Variants in MAPK10 observed in about 807,000 individuals in gnomAD.
MAPK10 encodes mitogen-activated protein kinase 10, also known as JNK3 alpha protein kinase.
MAPK10 carries 25 observed loss-of-function variants against 59.3 expected under a neutral mutation model. The observed-to-expected ratio is 0.42, with a 90% CI of 0.31 to 0.59. MAPK10 has a LOEUF of 0.59. Among genes scored for constraint, MAPK10 ranks in the 20% least tolerant of loss-of-function variants. The pLI, the probability that MAPK10 is intolerant of heterozygous loss-of-function variation, is 0.15. For missense variants in MAPK10, 351 were observed against 568.9 expected, an observed-to-expected ratio of 0.62 and a Z score of 3.90; for synonymous variants, 190 against 200.5, an observed-to-expected ratio of 0.95 and a Z score of 0.44.
chr4:86,054,721 A>T lies in MAPK10; in HGVS notation c.1110+9545T>A, dbSNP rs139299996. 1.0e-3 allele frequency among the ~76,000 whole-genome samples: 153 copies of T among 152,358 alleles called. 1 individual carries two copies. Among genetic ancestry groups the T allele is most frequent in the Non-Finnish European group, 1.9e-3 (126 of 68,028 alleles). The stretch of plus-strand genomic sequence containing the variant: ...TATTCTGAGTCTAACAAACCTACTT[A>T]GAGTTCAACTCCACACTGAAAGAGT... On this transcript the variant is annotated intron_variant, in intron 11 of 13. Coordinates refer to ENST00000641462, the MANE Select transcript of MAPK10 (RefSeq NM_138982.4).
chr4:86,047,279 CTTCT>C (rs1190841337), intron 11 of MAPK10, among the ~76,000 whole-genome samples: 5 of 152,012 alleles, frequency 3.3e-5, no homozygotes, highest in Non-Finnish European at 5.9e-5. Flanking sequence ...TCATAAAAGG[CTTCT>C]TTGAGAAGGT....
At chr4:86,031,709 C>A (rs904425335) in intron 11 of MAPK10, 6 of 343,396 alleles carry the variant, frequency 1.7e-5, no homozygotes, top group Non-Finnish European at 3.2e-5. Flanking sequence ...GATTTAGAAC[C>A]CACGCCTAAG....
chr4:86,042,072 C>T (rs553397473), intron 11 of MAPK10, among the ~76,000 whole-genome samples: 103 of 152,248 alleles, frequency 6.8e-4, no homozygotes, highest in Admixed American at 2.9e-3. Flanking sequence ...AACCCAAATG[C>T]CCATCAATGA....
At chr4:86,249,653 A>G (rs1418968919) in intron 2 of MAPK10, among the ~76,000 whole-genome samples, 1 of 152,152 alleles carries the variant, frequency 6.6e-6, no homozygotes, top group Non-Finnish European at 1.5e-5. Context: ...ATCTACAGTA[A>G]TGATCAGTAC....
chr4:86,331,102 G>T (rs1422489249), intron 2 of MAPK10, among the ~76,000 whole-genome samples: 1 of 152,182 alleles, frequency 6.6e-6, no homozygotes, highest in Admixed American at 6.6e-5. Flanking sequence ...TAGCTAGAGT[G>T]CAGGTCATAA....
At chr4:86,465,539 G>A (rs1468852811) in intron 1 of MAPK10, among the ~76,000 whole-genome samples, 1 of 152,230 alleles carries the variant, frequency 6.6e-6, no homozygotes, top group African/African-American at 2.4e-5. Flanking sequence ...CGAAAGGCAA[G>A]ATGCTATCAG....
At chr4:86,438,507 T>C (rs1224845484) in intron 1 of MAPK10, among the ~76,000 whole-genome samples, 1 of 151,824 alleles carries the variant, frequency 6.6e-6, no homozygotes, top group Non-Finnish European at 1.5e-5. Flanking sequence ...CTGGCCAACA[T>C]GGTGAGAACT....
chr4:86,194,380 A>G lies in MAPK10; in HGVS notation c.22T>C (p.Tyr8His). The G allele has an allele frequency of 6.2e-7, 1 of 1,611,946 alleles. No homozygotes were observed. The highest frequency in any genetic ancestry group is 8.5e-7 in the Non-Finnish European group (1 of 1,178,036). Residue 8 changes from tyrosine to histidine, a missense_variant, in exon 3 of 14, where the codon TAC (tyrosine) becomes CAC (histidine). Tyr to His is a moderately conservative substitution (Grantham distance 83). Coordinates refer to ENST00000641462, the MANE Select transcript of MAPK10 (RefSeq NM_138982.4). The part of the protein sequence containing the change: MSLHFLY[Y>H]CSEPTLDVKI... ...ACATCCAATGTTGGTTCACTGCAGT[A>G]GTATAAGAAATGGAGGCTCATAAAT...
At position 86,101,320 on chromosome 4, in the gene MAPK10, TC is replaced by T. The variant is rs1264631623; in HGVS notation, c.565-104del. 3 of 753,660 alleles carry T rather than the reference TC, an allele frequency of 4.0e-6. No homozygotes were observed. In the African/African-American group the frequency reaches 5.2e-5, roughly 13 times the overall value. 46.7% of individuals were successfully genotyped at this position (753,660 alleles called of 1,614,324 possible). On this transcript the variant is annotated intron_variant, in intron 7 of 13. Coordinates refer to ENST00000641462, the MANE Select transcript of MAPK10 (RefSeq NM_138982.4). ...CCATTTTGCAGTAGCACTGATGAGG[TC>T]CCCCTTGCCTACAGAGCTCTAAATA...
rs114376093 is a variant in MAPK10, at chr4:86,430,523, C to A, written c.-122+22507G>T. On this transcript the variant is annotated intron_variant, in intron 1 of 13. Transcript: ENST00000361569. ...AAGTTTAGACATTGGCAGGAGATAC[C>A]GATATTTAAATAAACGAGTAGTTAT... Among the ~76,000 whole-genome samples the A allele has an allele frequency of 6.1e-3, 921 of 151,962 alleles. 7 individuals carry two copies. The highest frequency in any genetic ancestry group is 0.02 in the African/African-American group (823 of 41,412).
chr4:86,139,595 G>T (rs1389225459), intron 4 of MAPK10, among the ~76,000 whole-genome samples: 1 of 152,104 alleles, frequency 6.6e-6, no homozygotes, highest in Non-Finnish European at 1.5e-5. Context: ...AGAAAACCAA[G>T]GCATTACCAT....
intron 1 of MAPK10, among the ~76,000 whole-genome samples, chr4:86,410,591 G>A (rs55877978): frequency 0.29 from 43,389 of 152,038 alleles, 6,399 homozygotes; most frequent in Admixed American, 0.32. Context: ...CCTGTTATTA[G>A]TCTATTCAGA....
chr4:86,136,203 C>T (rs182100043), intron 4 of MAPK10, among the ~76,000 whole-genome samples: 11 of 152,054 alleles, frequency 7.2e-5, no homozygotes, highest in Non-Finnish European at 1.0e-4. Context: ...AGATACTCCT[C>T]GAGAAGAGCA....
intron 2 of MAPK10, chr4:86,327,604 A>C (rs1316199075): frequency 6.6e-6 from 1 of 151,592 alleles, no homozygotes; most frequent in Non-Finnish European, 1.5e-5. Flanking sequence ...AATATCCTAC[A>C]TAATGCTTAT....
chr4:86,359,801 C>T lies in MAPK10; in HGVS notation c.-265G>A. The stretch of plus-strand genomic sequence containing the variant: ...GAGATTGTTTAAAATTAACGATGGA[C>T]AGGTGATTTCCAAGAAAACCCAATC... On this transcript the variant is annotated 5_prime_UTR_variant, in exon 1 of 14. Coordinates refer to ENST00000641462, the MANE Select transcript of MAPK10 (RefSeq NM_138982.4). 1.0e-6 allele frequency: 1 copy of T among 985,588 alleles called. No individual in the cohort carries two copies. Among genetic ancestry groups the T allele is most frequent in the Non-Finnish European group, 1.2e-6 (1 of 829,874 alleles). 61.1% of individuals were successfully genotyped at this position (985,588 alleles called of 1,614,324 possible).
chr4:86,163,087 G>A (rs1352037811), intron 3 of MAPK10, among the ~76,000 whole-genome samples: 1 of 152,052 alleles, frequency 6.6e-6, no homozygotes, highest in Non-Finnish European at 1.5e-5. Context: ...TTGGAAGTTA[G>A]GGAAGATGTT....
intron 2 of MAPK10, among the ~76,000 whole-genome samples, chr4:86,215,775 T>A (rs1245528778): frequency 6.6e-6 from 1 of 152,132 alleles, no homozygotes; most frequent in African/African-American, 2.4e-5. Context: ...GGCAGGAGAA[T>A]CGCTTGAACC....
intron 11 of MAPK10, 171 bp from the exon 12 acceptor site, chr4:86,031,602 G>A (rs1337153279): frequency 2.0e-5 from 11 of 537,156 alleles, no homozygotes; most frequent in Non-Finnish European, 3.6e-5. Context: ...AACTTATGGA[G>A]GATTCATTCA....
Position 86,310,489 on chromosome 4 carries a change from C to T in MAPK10, c.-7+44041G>A, listed in dbSNP as rs1323317931. 8.5e-5 allele frequency among the ~76,000 whole-genome samples: 13 copies of T among 152,172 alleles called. No homozygotes were observed. The South Asian group carries it at 1.2e-3, about 15-fold the overall frequency. On this transcript the variant is annotated intron_variant, in intron 2 of 13. Coordinates refer to ENST00000641462, the MANE Select transcript of MAPK10 (RefSeq NM_138982.4). ...ATCCATTTTTATACCAAGTAATATA[C>T]GACTGAATGACTTGATGAAGTGTGA...
Sources: gnomAD v4.1 joint callset for allele counts (sites outside exome capture counted in the v4.1 genomes callset) on GRCh38, gnomAD v4.1.1 for gene constraint, MANE v1.5 for transcripts, NCBI Gene and HGNC (gene_info 2026-07-23, HGNC 2026-07-21) for gene names.